The following PSD3 variants were observed in gnomAD, a reference collection of about 807,000 sequenced individuals.
The protein encoded by PSD3 is pleckstrin and Sec7 domain containing 3.
In PSD3, 49 loss-of-function variants were observed where a neutral mutation model predicts 105.5. The ratio of observed to expected loss-of-function variants is 0.46; its 90% CI spans 0.37 to 0.59. The LOEUF (loss-of-function observed/expected upper bound fraction) is 0.59. Among genes scored for constraint, PSD3 ranks in the 20% least tolerant of loss-of-function variants. The pLI is 0.00. For synonymous variants in PSD3, 557 were observed against 457.8 expected (o/e 1.22, Z -2.77); for missense variants, 1,561 against 1,263.8 (o/e 1.24, Z -3.57).
At chr8:18,748,776 C>G (rs1276376115) in intron 9 of PSD3, among the ~76,000 whole-genome samples, 1 of 151,810 alleles carries the variant, frequency 6.6e-6, no homozygotes. Flanking sequence ...ACCTCATCAT[C>G]TCTCCACACA....
At chr8:18,624,517 C>T (rs1314115809) in intron 11 of PSD3, among the ~76,000 whole-genome samples, 2 of 113,036 alleles carry the variant, frequency 1.8e-5, no homozygotes, top group African/African-American at 7.2e-5. Flanking sequence ...AGGGGAACAT[C>T]ACACTCTGGG....
chr8:18,675,814 C>T (rs1800035617), intron 9 of PSD3, among the ~76,000 whole-genome samples: 2 of 152,146 alleles, frequency 1.3e-5, no homozygotes, highest in Non-Finnish European at 2.9e-5. Flanking sequence ...CATAAATTAA[C>T]AAGCAGGAAG....
intron 4 of PSD3, among the ~76,000 whole-genome samples, chr8:18,837,445 G>A (rs1363590944): frequency 6.6e-6 from 1 of 152,152 alleles, no homozygotes; most frequent in Non-Finnish European, 1.5e-5. Flanking sequence ...CTCAAGAGGA[G>A]TAGGAGCAAG....
chr8:18,679,959 C>CGCATGTTA (rs1330417751), intron 9 of PSD3, among the ~76,000 whole-genome samples: 2 of 152,160 alleles, frequency 1.3e-5, no homozygotes, highest in Non-Finnish European at 2.9e-5. Context: ...GATTCAGCCA[C>CGCATGTTA]GCATGTTATA....
chr8:18,663,690 T>C (rs1809520231), intron 9 of PSD3, among the ~76,000 whole-genome samples: 1 of 152,176 alleles, frequency 6.6e-6, no homozygotes, highest in South Asian at 2.1e-4. Flanking sequence ...AATAACACTA[T>C]TCTAAATGTA....
intron 14 of PSD3, among the ~76,000 whole-genome samples, chr8:18,565,514 AAATT>A (rs1357929575): frequency 8.5e-5 from 13 of 152,356 alleles, no homozygotes; most frequent in African/African-American, 3.1e-4. Context: ...AGACAAGAAT[AAATT>A]AAAGCAAAGC....
intron 2 of PSD3, among the ~76,000 whole-genome samples, chr8:18,914,580 C>T (rs751145023): frequency 5.9e-5 from 9 of 151,782 alleles, no homozygotes; most frequent in African/African-American, 9.7e-5. Context: ...ACAAACTATC[C>T]AAAAAAAGAT....
At chr8:19,050,277 T>G (rs990872836) in intron 1 of PSD3, among the ~76,000 whole-genome samples, 4 of 150,818 alleles carry the variant, frequency 2.7e-5, no homozygotes, top group African/African-American at 9.7e-5. Context: ...AAAAATGCAG[T>G]GGGCTTCACA....
chr8:18,863,364 T>C (rs536202919), intron 4 of PSD3, among the ~76,000 whole-genome samples: 18 of 152,292 alleles, frequency 1.2e-4, no homozygotes, highest in African/African-American at 4.3e-4. Context: ...CTTTCTAATT[T>C]TGGAGCCATG....
chr8:18,786,771 G>A (rs924090084), intron 8 of PSD3: 8 of 152,252 alleles, frequency 5.3e-5, no homozygotes, highest in African/African-American at 9.6e-5. Flanking sequence ...ACAACTTCTC[G>A]AATGCTTGAC....
At chr8:19,073,499 C>T (rs1347691056) in intron 1 of PSD3, among the ~76,000 whole-genome samples, 7 of 132,504 alleles carry the variant, frequency 5.3e-5, no homozygotes, top group Admixed American at 1.8e-4. Context: ...TGCAGTGAGC[C>T]GAGATCACGA....
chr8:18,572,314 G>A (rs923152530), intron 14 of PSD3, among the ~76,000 whole-genome samples: 2 of 152,112 alleles, frequency 1.3e-5, no homozygotes, highest in East Asian at 1.9e-4. Flanking sequence ...ATCAAAGTAC[G>A]TGTCCTACTA....
intron 4 of PSD3, among the ~76,000 whole-genome samples, chr8:18,848,214 G>A (rs923953282): frequency 1.7e-4 from 26 of 152,118 alleles, no homozygotes; most frequent in Admixed American, 1.6e-3. Context: ...GTTTAACCAT[G>A]TTGGTGTACA....
At chr8:19,046,481 T>C (rs1468470782) in intron 1 of PSD3, among the ~76,000 whole-genome samples, 1 of 152,200 alleles carries the variant, frequency 6.6e-6, no homozygotes, top group Non-Finnish European at 1.5e-5. Flanking sequence ...GGGCCATCAC[T>C]TATTCATTCA....
chr8:18,613,366 C>T (rs543820846), intron 11 of PSD3, among the ~76,000 whole-genome samples: 62 of 152,198 alleles, frequency 4.1e-4, no homozygotes, highest in Middle Eastern at 6.8e-3. Flanking sequence ...TGGTCTCTCT[C>T]GTTTCTGTGT....
chr8:18,760,949 A>T (rs1806475428), intron 9 of PSD3, among the ~76,000 whole-genome samples: 1 of 152,190 alleles, frequency 6.6e-6, no homozygotes, highest in South Asian at 2.1e-4. Context: ...ACTTCAAGTA[A>T]TTCACATCTC....
intron 4 of PSD3, among the ~76,000 whole-genome samples, chr8:18,866,584 G>A (rs1816949231): frequency 6.6e-6 from 1 of 152,108 alleles, no homozygotes; most frequent in South Asian, 2.1e-4. Context: ...TATTCTCACT[G>A]TGACCCAGTA....
intron 2 of PSD3, among the ~76,000 whole-genome samples, chr8:18,907,345 T>C (rs1295690448): frequency 1.3e-5 from 2 of 152,166 alleles, no homozygotes; most frequent in Non-Finnish European, 2.9e-5. Flanking sequence ...ATTTTATTTA[T>C]TTTATTTTGT....
chr8:19,017,773 G>T (rs1409013666), upstream of PSD3, among the ~76,000 whole-genome samples: 2 of 152,216 alleles, frequency 1.3e-5, no homozygotes, highest in South Asian at 2.1e-4. Context: ...ATTCCATTGT[G>T]TGGATAGGCC....
Sources: allele counts gnomAD v4.1 joint callset (sites outside exome capture counted in the v4.1 genomes callset), GRCh38; gene constraint gnomAD v4.1.1; transcripts MANE v1.5; gene names NCBI Gene and HGNC (gene_info 2026-07-23, HGNC 2026-07-21).